ADAM23: variants seen among roughly 807,000 people sequenced by gnomAD.
ADAM23 encodes the protein disintegrin and metalloproteinase domain-containing protein 23.
A neutral mutation model predicts 120.1 loss-of-function variants in ADAM23; 33 were observed. The observed-to-expected ratio is 0.27, with a 90% confidence interval of 0.21 to 0.37. The LOEUF (loss-of-function observed/expected upper bound fraction) is 0.37. Among genes scored for constraint, ADAM23 ranks in the 10% least tolerant of loss-of-function variants. The pLI, the probability that ADAM23 is intolerant of heterozygous loss-of-function variation, is 1.00. For missense variants in ADAM23, 862 were observed against 1,058.2 expected (o/e 0.81, Z 2.57); for synonymous variants, 367 against 375.2 (o/e 0.98, Z 0.25).
chr2:206,534,992 A>G (rs145377818), intron 4 of ADAM23, among the ~76,000 whole-genome samples: 319 of 149,370 alleles, frequency 2.1e-3, no homozygotes, highest in African/African-American at 7.4e-3. Flanking sequence ...CTACCTTCCT[A>G]CAAGAAGAGT....
chr2:206,530,744 A>G, intron 3 of ADAM23, 141 bp from the exon 4 acceptor site: 1 of 320,462 alleles, frequency 3.1e-6, no homozygotes, highest in Admixed American at 5.1e-5. Context: ...CTCGATGATA[A>G]CCTGTTTTTG....
At chr2:206,600,160 A>C (rs930491309) in intron 24 of ADAM23, among the ~76,000 whole-genome samples, 4 of 152,176 alleles carry the variant, frequency 2.6e-5, no homozygotes, top group Non-Finnish European at 4.4e-5. Context: ...TGAGATCGCG[A>C]CACTGCACTC....
At chr2:206,559,837 T>C in intron 10 of ADAM23, 118 bp from the exon 11 acceptor site, 7 of 810,934 alleles carry the variant, frequency 8.6e-6, no homozygotes, top group Non-Finnish European at 1.3e-5. Context: ...AATGGGCTAA[T>C]TATGACCCCG....
chr2:206,479,018 C>T (rs1279349301), intron 2 of ADAM23, among the ~76,000 whole-genome samples: 2 of 152,112 alleles, frequency 1.3e-5, no homozygotes, highest in Non-Finnish European at 2.9e-5. Flanking sequence ...TCTTAGAGGG[C>T]GGAAGCTGTG....
intron 2 of ADAM23, among the ~76,000 whole-genome samples, chr2:206,479,992 G>A (rs2105876907): frequency 6.6e-6 from 1 of 152,214 alleles, no homozygotes; most frequent in South Asian, 2.1e-4. Flanking sequence ...TGAATATTTG[G>A]TGAATTACTT....
intron 3 of ADAM23, among the ~76,000 whole-genome samples, chr2:206,512,105 G>A (rs1005440289): frequency 1.3e-5 from 2 of 152,156 alleles, no homozygotes; most frequent in African/African-American, 4.8e-5. Context: ...GTGAAATGTA[G>A]GTAACTGTAG....
intron 24 of ADAM23, among the ~76,000 whole-genome samples, chr2:206,600,860 T>TA (rs1345037970): frequency 6.6e-6 from 1 of 152,218 alleles, no homozygotes; most frequent in Admixed American, 6.5e-5. Context: ...AAGGATTTTT[T>TA]AAAAAAGATT....
At chr2:206,564,830 T>C (rs1402044084) in intron 13 of ADAM23, among the ~76,000 whole-genome samples, 190 bp from the exon 14 acceptor site, 6 of 152,232 alleles carry the variant, frequency 3.9e-5, no homozygotes, top group Non-Finnish European at 2.9e-5. Flanking sequence ...AATTAACCTA[T>C]AATTCTGGAA....
At chr2:206,523,972 T>C (rs376984563) in intron 3 of ADAM23, among the ~76,000 whole-genome samples, 4 of 152,122 alleles carry the variant, frequency 2.6e-5, no homozygotes, top group Admixed American at 1.3e-4. Context: ...AGTGACAGCA[T>C]TGGTTGTCAT....
At chr2:206,444,312 A>G (rs754173546) in intron 1 of ADAM23, among the ~76,000 whole-genome samples, 2 of 152,178 alleles carry the variant, frequency 1.3e-5, no homozygotes, top group Admixed American at 1.3e-4. Context: ...TGTTGGTTCC[A>G]CTGGGAGGTG....
intron 16 of ADAM23, among the ~76,000 whole-genome samples, 173 bp from the exon 17 acceptor site, chr2:206,571,554 C>T (rs1169744817): frequency 6.6e-6 from 1 of 152,114 alleles, no homozygotes; most frequent in South Asian, 2.1e-4. Context: ...ACTTTGGTGA[C>T]AAGTATGGCA....
intron 24 of ADAM23, among the ~76,000 whole-genome samples, chr2:206,600,035 A>G (rs1406951833): frequency 6.6e-6 from 1 of 152,190 alleles, no homozygotes; most frequent in Non-Finnish European, 1.5e-5. Flanking sequence ...CCTCGTCTCT[A>G]CTAAAAATAC....
At chr2:206,445,920 A>G (rs1041182167) in intron 2 of ADAM23, among the ~76,000 whole-genome samples, 9 of 152,236 alleles carry the variant, frequency 5.9e-5, no homozygotes, top group Admixed American at 6.5e-5. Flanking sequence ...TGCACATGCA[A>G]GATTGCTTCA....
At chr2:206,573,235 A>G (rs770594317) in intron 18 of ADAM23, 40 bp downstream of exon 18, 5 of 1,581,082 alleles carry the variant, frequency 3.2e-6, no homozygotes, top group South Asian at 2.2e-5. Context: ...TTTTACTTGT[A>G]CAGGTTGAGT....
intron 3 of ADAM23, among the ~76,000 whole-genome samples, chr2:206,492,568 C>T (rs1425561786): frequency 6.6e-6 from 1 of 152,128 alleles, no homozygotes. Flanking sequence ...AATCCAAGAC[C>T]AAGCCTTGAT....
chr2:206,617,685 C>T lies in ADAM23; in HGVS notation c.*58C>T, dbSNP rs531504556. 5.6e-6 allele frequency: 9 copies of T among 1,606,066 alleles called. No individual in the cohort carries two copies. Among genetic ancestry groups the T allele is most frequent in the Admixed American group, 3.4e-5 (2 of 59,004 alleles). On this transcript the variant is annotated 3_prime_UTR_variant, in exon 26 of 26. Transcript: ENST00000264377. ...TGTTGGATTCTGGGTATGACATACT[C>T]GCAGCAGTGTTACTGGAACTATTAA...
At position 206,496,701 on chromosome 2, in the gene ADAM23, A is replaced by G. The variant is rs528383058; in HGVS notation, c.509+15393A>G. ...ACACAAAAAACCCTTCAAAAAATCA[A>G]TGAATCCAGGAGCTGGTTTTTTGAA... On this transcript the variant is annotated intron_variant, in intron 3 of 25. Coordinates refer to ENST00000264377, the MANE Select transcript of ADAM23 (RefSeq NM_003812.4). Among the ~76,000 whole-genome samples the G allele has an allele frequency of 2.2e-4, 33 of 152,322 alleles. 1 individual carries two copies. The South Asian group carries it at 5.8e-3, about 27-fold the overall frequency.
At chr2:206,573,085 T>G (rs1359072508) in intron 17 of ADAM23, 30 bp from the exon 18 acceptor site, 2 of 1,605,332 alleles carry the variant, frequency 1.2e-6, no homozygotes, top group Admixed American at 3.3e-5. Flanking sequence ...TATGTAATGC[T>G]AACTCTTAAT....
intron 4 of ADAM23, among the ~76,000 whole-genome samples, chr2:206,536,831 G>A (rs992285558): frequency 2.0e-5 from 3 of 151,532 alleles, no homozygotes; most frequent in Admixed American, 2.0e-4. Context: ...TCAGCCTCCC[G>A]AGTAGCTGGG....
Sources: gnomAD v4.1 joint callset for allele counts (sites outside exome capture counted in the v4.1 genomes callset) on GRCh38, gnomAD v4.1.1 for gene constraint, MANE v1.5 for transcripts, NCBI Gene and HGNC (gene_info 2026-07-23, HGNC 2026-07-21) for gene names.